BNC2: variants seen among roughly 807,000 people sequenced by gnomAD.
BNC2 encodes basonuclin zinc finger protein 2, also known as zinc finger protein basonuclin-2.
Under a neutral mutation model 76.3 loss-of-function variants are expected in BNC2, and 20 were observed. That is an observed-to-expected ratio of 0.26 (90% confidence interval 0.18 to 0.38). The LOEUF is 0.38. Ranked by LOEUF, BNC2 falls within the 10% of genes least tolerant of loss-of-function variation. The probability of loss-of-function intolerance (pLI) is 1.00; values close to 1 mark genes in which losing one functional copy is unlikely to be tolerated. For missense variants in BNC2, 1,382 were observed against 1,399.8 expected (o/e 0.99, Z 0.20); for synonymous variants, 582 against 514.8 (o/e 1.13, Z -1.77).
intron 5 of BNC2, among the ~76,000 whole-genome samples, chr9:16,465,434 CAA>C (rs34834563): frequency 1.9e-4 from 16 of 84,256 alleles, no homozygotes; most frequent in Non-Finnish European, 3.0e-4. Context: ...ACTCCAACTC[CAA>C]AAAAAAAAAA....
rs1821012454 is a variant in BNC2, at chr9:16,436,292, C to T, written c.1902G>A (p.Arg634=). The change falls in exon 6 of 7, where the codon AGG becomes AGA. Residue 634 remains arginine, a synonymous_variant. Transcript: ENST00000380672. ...CAATCTTCACAGGCATGCTTGACTT[C>T]CTGGGCTTTTTCTTGGGTGCCAGGT... is the stretch of plus-strand genomic sequence containing the variant. The part of the protein sequence containing the change: ...SADLAPKKKP[R]KSSMPVKIEK... The T allele has an allele frequency of 2.5e-6, 4 of 1,614,026 alleles. No individual in the cohort carries two copies. Among genetic ancestry groups the T allele is most frequent in the Admixed American group, 1.7e-5 (1 of 59,992 alleles).
intron 3 of BNC2, among the ~76,000 whole-genome samples, chr9:16,614,600 G>T (rs547524560): frequency 4.6e-5 from 7 of 152,008 alleles, no homozygotes; most frequent in African/African-American, 1.7e-4. Flanking sequence ...AGGTTTCTGG[G>T]GTATTGTTCC....
At chr9:16,429,487 G>T (rs988248795) in intron 6 of BNC2, 4 of 153,618 alleles carry the variant, frequency 2.6e-5, no homozygotes, top group Non-Finnish European at 4.3e-5. Context: ...TCTGAGGGAG[G>T]TGGAAATCAG....
intron 1 of BNC2, among the ~76,000 whole-genome samples, chr9:16,772,574 GA>G (rs201578723): frequency 6.6e-6 from 1 of 151,352 alleles, no homozygotes; most frequent in African/African-American, 2.4e-5. Context: ...AAAACCTAGG[GA>G]AAAAAAACCT....
At chr9:16,831,436 T>C (rs1818575655) in intron 1 of BNC2, among the ~76,000 whole-genome samples, 1 of 152,248 alleles carries the variant, frequency 6.6e-6, no homozygotes, top group Admixed American at 6.5e-5. Flanking sequence ...GTGTGACATT[T>C]ACTTATTTAA....
intron 2 of BNC2, among the ~76,000 whole-genome samples, chr9:16,732,162 A>AAAAAG (rs1554718910): frequency 1.6e-5 from 2 of 123,592 alleles, no homozygotes; most frequent in African/African-American, 5.9e-5. Flanking sequence ...TCCTGCAAAA[A>AAAAAG]AAAAAGAAAA....
At chr9:16,675,984 G>C (rs1822628001) in intron 3 of BNC2, among the ~76,000 whole-genome samples, 1 of 152,096 alleles carries the variant, frequency 6.6e-6, no homozygotes, top group Non-Finnish European at 1.5e-5. Flanking sequence ...AGAATCTCTT[G>C]AACCCGGGAG....
chr9:16,684,350 T>C (rs536597161), intron 3 of BNC2, among the ~76,000 whole-genome samples: 80 of 152,294 alleles, frequency 5.3e-4, no homozygotes, highest in African/African-American at 1.9e-3. Context: ...TCGTGTCTCA[T>C]GTGTCCCACC....
At chr9:16,453,148 A>G (rs907647678) in intron 5 of BNC2, among the ~76,000 whole-genome samples, 7 of 152,188 alleles carry the variant, frequency 4.6e-5, no homozygotes, top group African/African-American at 1.7e-4. Context: ...GAGGCCTGAA[A>G]ATGAGCCAAG....
intron 3 of BNC2, among the ~76,000 whole-genome samples, chr9:16,592,644 T>C (rs1177314596): frequency 2.6e-5 from 4 of 152,174 alleles, no homozygotes; most frequent in Non-Finnish European, 5.9e-5. Flanking sequence ...GTATTTTAAA[T>C]GGGTGGAATG....
At chr9:16,704,689 TTTAAAA>T (rs1823612040) in intron 3 of BNC2, 1 of 18,056 alleles carries the variant, frequency 5.5e-5, no homozygotes, top group African/African-American at 8.5e-5. Flanking sequence ...GGTTTTTTTT[TTTAAAA>T]AAAAAAAAAA....
chr9:16,721,663 G>C (rs916360926), intron 3 of BNC2, among the ~76,000 whole-genome samples: 1 of 152,126 alleles, frequency 6.6e-6, no homozygotes, highest in Non-Finnish European at 1.5e-5. Flanking sequence ...CAAACCTACC[G>C]TGAAAGGAAA....
chr9:16,598,094 T>C (rs1388662988), intron 3 of BNC2, among the ~76,000 whole-genome samples: 1 of 152,188 alleles, frequency 6.6e-6, no homozygotes, highest in Admixed American at 6.5e-5. Flanking sequence ...AATAAAATCT[T>C]TGTTACTATT....
At chr9:16,516,883 T>C (rs1004751358) in intron 5 of BNC2, among the ~76,000 whole-genome samples, 2 of 152,200 alleles carry the variant, frequency 1.3e-5, no homozygotes, top group African/African-American at 2.4e-5. Flanking sequence ...TAAACGTTAA[T>C]TAGATGTTTC....
At chr9:16,806,296 T>C (rs758002638) in intron 1 of BNC2, among the ~76,000 whole-genome samples, 1 of 151,884 alleles carries the variant, frequency 6.6e-6, no homozygotes, top group Non-Finnish European at 1.5e-5. Flanking sequence ...GGCAACATGG[T>C]GGGATCACTG....
chr9:16,599,656 T>A lies in BNC2; in HGVS notation c.331-16571A>T, dbSNP rs112470160. On this transcript the variant is annotated intron_variant, in intron 3 of 6. Transcript: ENST00000380672. ...AAAATAAGCCAGGCGTGGTGGCACATGCCTATAATCCCAGCTACTCGGGAG... is the reference window on the plus strand; with the variant it reads ...AAAATAAGCCAGGCGTGGTGGCACAAGCCTATAATCCCAGCTACTCGGGAG... Among the ~76,000 whole-genome samples, 10 of 152,224 alleles carry A rather than the reference T, an allele frequency of 6.6e-5. 1 individual carries two copies. Among genetic ancestry groups the A allele is most frequent in the African/African-American group, 2.4e-4 (10 of 41,548 alleles).
intron 5 of BNC2, among the ~76,000 whole-genome samples, chr9:16,548,286 A>C (rs1818550236): frequency 6.6e-6 from 1 of 152,174 alleles, no homozygotes; most frequent in Non-Finnish European, 1.5e-5. Flanking sequence ...TTCCTAGGTC[A>C]AGGACAGAGG....
chr9:16,440,140 G>A (rs1167902563), intron 5 of BNC2, among the ~76,000 whole-genome samples: 1 of 152,310 alleles, frequency 6.6e-6, no homozygotes, highest in East Asian at 1.9e-4. Context: ...GTAACTTCCA[G>A]AGCTCAGAGA....
chr9:16,822,736 G>A (rs571629470), intron 1 of BNC2, among the ~76,000 whole-genome samples: 4 of 152,256 alleles, frequency 2.6e-5, no homozygotes, highest in Non-Finnish European at 5.9e-5. Flanking sequence ...GATTAATGTG[G>A]TGTTGAATAA....
Sources: gnomAD v4.1 joint callset for allele counts (sites outside exome capture counted in the v4.1 genomes callset) on GRCh38, gnomAD v4.1.1 for gene constraint, MANE v1.5 for transcripts, NCBI Gene and HGNC (gene_info 2026-07-23, HGNC 2026-07-21) for gene names.